SGMS2: variants seen among roughly 807,000 people sequenced by gnomAD.
SGMS2 encodes the protein phosphatidylcholine:ceramide cholinephosphotransferase 2.
A neutral mutation model predicts 43.8 loss-of-function variants in SGMS2; 21 were observed. The ratio of observed to expected loss-of-function variants is 0.48; its 90% CI spans 0.34 to 0.69. SGMS2 has a LOEUF of 0.69. Ranked by LOEUF, SGMS2 falls within the 30% of genes least tolerant of loss-of-function variation. The pLI is 0.01. For synonymous variants in SGMS2, 167 were observed against 160.6 expected (o/e 1.04, Z -0.30); for missense variants, 384 against 443.2 (o/e 0.87, Z 1.20).
chr4:107,864,677 T>C (rs1230674184), intron 2 of SGMS2, among the ~76,000 whole-genome samples: 5 of 152,244 alleles, frequency 3.3e-5, no homozygotes, highest in African/African-American at 9.6e-5. Flanking sequence ...ATTTATTTAT[T>C]GCCAAAATAA....
rs1205068523 is a variant in SGMS2 at position 107,908,633 on chromosome 4, A to G, written c.796A>G (p.Ile266Val). The G allele has an allele frequency of 1.2e-6, 2 of 1,614,084 alleles. No homozygotes were observed. The highest frequency in any genetic ancestry group is 1.7e-5 in the Admixed American group (1 of 60,014). Reference protein sequence around the residue: ...WLLSAAGIICILVAHEHYTID... With the variant: ...WLLSAAGIICVLVAHEHYTID... ...GCTGAGTGCTGCCGGGATCATCTGCATTCTTGTAGCACACGAACACTACAC... is the reference window on the plus strand; with the variant it reads ...GCTGAGTGCTGCCGGGATCATCTGCGTTCTTGTAGCACACGAACACTACAC... The change falls in exon 6 of 7, where the codon ATT becomes GTT. Residue 266 changes from isoleucine (I) to valine (V), a missense_variant. Physicochemically the swap from Ile to Val is conservative, Grantham distance 29. Transcript: ENST00000690982.
intron 1 of SGMS2, among the ~76,000 whole-genome samples, chr4:107,828,887 T>C (rs962618999): frequency 2.6e-5 from 4 of 152,356 alleles, no homozygotes; most frequent in Middle Eastern, 3.4e-3. Context: ...GCAAGGAATT[T>C]ATCTGTTGAA....
chr4:107,848,612 A>G (rs1578523630), intron 1 of SGMS2, among the ~76,000 whole-genome samples: 1 of 152,254 alleles, frequency 6.6e-6, no homozygotes, highest in South Asian at 2.1e-4. Flanking sequence ...GCTGTTGTAT[A>G]TGGTTGTAGC....
intron 1 of SGMS2, among the ~76,000 whole-genome samples, chr4:107,831,338 A>G (rs925129819): frequency 2.6e-5 from 4 of 152,232 alleles, no homozygotes; most frequent in South Asian, 4.2e-4. Context: ...CCAGAGGTGA[A>G]CCCTGACAGG....
At chr4:107,836,747 G>A (rs571262498) in intron 1 of SGMS2, among the ~76,000 whole-genome samples, 2 of 152,280 alleles carry the variant, frequency 1.3e-5, no homozygotes, top group Admixed American at 1.3e-4. Context: ...CAAGGCCACT[G>A]TAAAATCTAG....
In SGMS2 at chr4:107,908,609, C is replaced by G. The variant is rs775062373; in HGVS notation, c.772C>G (p.Leu258Val). 9.9e-6 allele frequency: 16 copies of G among 1,614,082 alleles called. No homozygotes were observed. Among genetic ancestry groups the G allele is most frequent in the Non-Finnish European group, 1.4e-5 (16 of 1,179,960 alleles). Residue 258 changes from leucine (L) to valine (V), a missense_variant, in exon 6 of 7, where the codon CTG (leucine) becomes GTG (valine). By Grantham distance (32) the Leu-to-Val change is conservative. Coordinates refer to ENST00000690982, the MANE Select transcript of SGMS2 (RefSeq NM_001375905.1). Reference sequence around the variant, plus strand: ...GTGGTATCATTTAATCTGCTGGCTGCTGAGTGCTGCCGGGATCATCTGCAT... The same window carrying G: ...GTGGTATCATTTAATCTGCTGGCTGGTGAGTGCTGCCGGGATCATCTGCAT... ...FWWYHLICWL[L>V]SAAGIICILV...
At chr4:107,844,051 G>A (rs961192441) in intron 1 of SGMS2, among the ~76,000 whole-genome samples, 2 of 151,952 alleles carry the variant, frequency 1.3e-5, no homozygotes, top group East Asian at 1.9e-4. Flanking sequence ...TGCCAGGCAC[G>A]GTGGCTCACG....
intron 3 of SGMS2, among the ~76,000 whole-genome samples, chr4:107,897,366 T>C (rs867184888): frequency 6.6e-6 from 1 of 152,260 alleles, no homozygotes; most frequent in South Asian, 2.1e-4. Context: ...AAGGATGCTT[T>C]ATGCTAAAAG....
intron 2 of SGMS2, among the ~76,000 whole-genome samples, chr4:107,875,846 C>T (rs1728875930): frequency 6.6e-6 from 1 of 152,102 alleles, no homozygotes; most frequent in Non-Finnish European, 1.5e-5. Context: ...CTCCCTTTCT[C>T]TATTTTTTCC....
Position 107,899,608 on chromosome 4 carries a change from T to G in SGMS2, c.489T>G (p.Ile163Met), listed in dbSNP as rs1365368954. 1.9e-6 allele frequency: 3 copies of G among 1,612,414 alleles called. No individual in the cohort carries two copies. In the South Asian group the frequency reaches 3.3e-5, roughly 18 times the overall value. The part of the protein sequence containing the change: ...SIVGRRFCFI[I>M]GTLYLYRCIT... ...TGGGACGCAGATTCTGTTTTATTAT[T>G]GGAACTTTATACCTGTATCGCTGCA... Residue 163 changes from isoleucine to methionine, a missense_variant, in exon 4 of 7, where the codon ATT becomes ATG. Coordinates refer to ENST00000690982, the MANE Select transcript of SGMS2 (RefSeq NM_001375905.1).
At chr4:107,863,570 T>C (rs764208945) in intron 2 of SGMS2, 8 of 152,222 alleles carry the variant, frequency 5.3e-5, no homozygotes, top group Non-Finnish European at 8.8e-5. Context: ...TCAAGGTCTT[T>C]CAGCACTGCA....
chr4:107,913,464 G>C lies in SGMS2; in HGVS notation c.*2911G>C. 6.6e-6 allele frequency: 1 copy of C among 152,044 alleles called. No individual in the cohort carries two copies. Among genetic ancestry groups the C allele is most frequent in the East Asian group, 1.9e-4 (1 of 5,182 alleles). 9.4% of individuals were successfully genotyped at this position (152,044 alleles called of 1,614,324 possible). ...TGGTTTGTGGATGACATTGCATTAGGGTTATTTCCTGTATTACCAGTGCCC... is the reference window on the plus strand; with the variant it reads ...TGGTTTGTGGATGACATTGCATTAGCGTTATTTCCTGTATTACCAGTGCCC... On this transcript the variant is annotated 3_prime_UTR_variant, in exon 7 of 7. Transcript: ENST00000690982.
chr4:107,898,934 A>G (rs142767394), intron 3 of SGMS2, among the ~76,000 whole-genome samples: 160 of 152,324 alleles, frequency 1.1e-3, no homozygotes, highest in African/African-American at 3.8e-3. Flanking sequence ...TCACTATTAA[A>G]TGTAATTAAC....
At chr4:107,831,397 T>C (rs949120502) in intron 1 of SGMS2, among the ~76,000 whole-genome samples, 1 of 152,208 alleles carries the variant, frequency 6.6e-6, no homozygotes, top group African/African-American at 2.4e-5. Flanking sequence ...CATCACTAGA[T>C]ACCCTGGAGC....
intron 2 of SGMS2, among the ~76,000 whole-genome samples, chr4:107,876,508 A>G (rs945113997): frequency 3.7e-4 from 56 of 152,220 alleles, no homozygotes; most frequent in Non-Finnish European, 4.4e-5. Context: ...ACAGCAAGCA[A>G]TGTTTCAAGA....
In SGMS2 at chr4:107,914,995, C is replaced by T. The variant is rs989317070; in HGVS notation, c.*4442C>T. On this transcript the variant is annotated 3_prime_UTR_variant, in exon 7 of 7. Coordinates refer to ENST00000690982, the MANE Select transcript of SGMS2 (RefSeq NM_001375905.1). ...TTTTTAAAAAATGCAAGAGCCTATA[C>T]TTTGTATTTACCTAATAAACCACAG... The T allele has an allele frequency of 1.3e-5, 2 of 152,146 alleles. No individual in the cohort carries two copies. Among genetic ancestry groups the T allele is most frequent in the Non-Finnish European group, 2.9e-5 (2 of 68,006 alleles). The allele number at this position is 152,146 out of a possible 1,614,324, so 9.4% of individuals were successfully genotyped here. A position where few individuals can be genotyped will look rare whatever the true frequency, so the allele number is the denominator to read the frequency against.
Position 107,895,767 on chromosome 4 carries a change from T to TTTCCAC in SGMS2, c.216_221dup (p.Pro73_Leu74dup), listed in dbSNP as rs1317333979. On this transcript the variant is annotated inframe_insertion, in exon 3 of 7. Transcript: ENST00000690982. ...TATGCCCACTGAATCAAGGAACAAATTTCCACTAGAGTGGTGGAAAACGGG... is the reference window on the plus strand; with the variant it reads ...TATGCCCACTGAATCAAGGAACAAATTTCCACTTCCACTAGAGTGGTGGAAAACGGG... 4.3e-6 allele frequency: 7 copies of TTTCCAC among 1,613,810 alleles called. No homozygotes were observed. In the Admixed American group the frequency reaches 1.2e-4, roughly 27 times the overall value.
At chr4:107,827,041 T>C (rs1397859868) in intron 1 of SGMS2, among the ~76,000 whole-genome samples, 1 of 152,134 alleles carries the variant, frequency 6.6e-6, no homozygotes, top group African/African-American at 2.4e-5. Flanking sequence ...TTAAACAAAA[T>C]ATAGGGGAAA....
At chr4:107,881,215 C>T (rs1729312636) in intron 2 of SGMS2, among the ~76,000 whole-genome samples, 1 of 151,796 alleles carries the variant, frequency 6.6e-6, no homozygotes, top group Non-Finnish European at 1.5e-5. Context: ...TACCAGATAA[C>T]AAACCTGTAC....
Sources: allele counts gnomAD v4.1 joint callset (sites outside exome capture counted in the v4.1 genomes callset), GRCh38; gene constraint gnomAD v4.1.1; transcripts MANE v1.5; gene names NCBI Gene and HGNC (gene_info 2026-07-23, HGNC 2026-07-21).